The following SHOC2 variants were observed in gnomAD, a reference collection of about 807,000 sequenced individuals.
The protein encoded by SHOC2 is leucine-rich repeat protein SHOC-2.
SHOC2 carries 4 observed loss-of-function variants against 50.2 expected under a neutral mutation model. That is an observed-to-expected ratio of 0.08 (90% CI 0.04 to 0.18). The LOEUF (loss-of-function observed/expected upper bound fraction) is 0.18, where lower values mean the gene tolerates loss of function less well. Among genes scored for constraint, SHOC2 ranks in the 10% least tolerant of loss-of-function variants. The pLI, the probability that SHOC2 is intolerant of heterozygous loss-of-function variation, is 1.00. For synonymous variants in SHOC2, 218 were observed against 244.5 expected (o/e 0.89, Z 1.01); for missense variants, 388 against 669.6 (o/e 0.58, Z 4.64).
intron 1 of SHOC2, among the ~76,000 whole-genome samples, chr10:110,928,715 T>G (rs1846826297): frequency 6.6e-6 from 1 of 152,038 alleles, no homozygotes; most frequent in Admixed American, 6.6e-5. Flanking sequence ...GGCAGCATGG[T>G]GAAACCCCGT....
chr10:110,986,657 A>G (rs1245004542), intron 3 of SHOC2, among the ~76,000 whole-genome samples: 1 of 151,786 alleles, frequency 6.6e-6, no homozygotes, highest in South Asian at 2.1e-4. Flanking sequence ...TCTATTTTTA[A>G]TAGAGATGAG....
chr10:110,948,321 T>C (rs1192973393), intron 1 of SHOC2, among the ~76,000 whole-genome samples: 1 of 152,182 alleles, frequency 6.6e-6, no homozygotes, highest in Non-Finnish European at 1.5e-5. Context: ...GCTTTAGCAA[T>C]AGATAGATTA....
intron 1 of SHOC2, among the ~76,000 whole-genome samples, chr10:110,928,894 C>G (rs1846832132): frequency 1.3e-5 from 2 of 151,908 alleles, no homozygotes; most frequent in Admixed American, 1.3e-4. Context: ...GACCCTGTCT[C>G]AAAAAAAGTC....
chr10:110,952,543 CT>C (rs1202887454), intron 1 of SHOC2, among the ~76,000 whole-genome samples: 5 of 151,952 alleles, frequency 3.3e-5, no homozygotes, highest in Admixed American at 1.3e-4. Context: ...CTAGCAATAA[CT>C]GATTTTTTTT....
At chr10:110,973,215 T>C (rs1847815750) in intron 2 of SHOC2, among the ~76,000 whole-genome samples, 1 of 152,232 alleles carries the variant, frequency 6.6e-6, no homozygotes, top group Non-Finnish European at 1.5e-5. Flanking sequence ...TAAGATTTGC[T>C]CTGATTTTTA....
chr10:110,992,994 T>A (rs1848211815), intron 3 of SHOC2, among the ~76,000 whole-genome samples: 2 of 152,340 alleles, frequency 1.3e-5, no homozygotes, highest in South Asian at 4.1e-4. Context: ...GCTGGTTATA[T>A]TTGCTGAAAT....
rs1847635041 is a variant in SHOC2 at position 110,964,510 on chromosome 10, A to C, written c.152A>C (p.Lys51Thr). 6.2e-7 allele frequency: 1 copy of C among 1,613,966 alleles called. No homozygotes were observed. The highest frequency in any genetic ancestry group is 8.5e-7 in the Non-Finnish European group (1 of 1,179,994). ...KEPKTKGKDAKDGKKDSSAAQ... is the reference protein window; with the variant it reads ...KEPKTKGKDATDGKKDSSAAQ... ...CCTAAGACCAAAGGGAAAGATGCCAAAGATGGAAAGAAGGACTCCAGTGCT... is the reference window on the plus strand; with the variant it reads ...CCTAAGACCAAAGGGAAAGATGCCACAGATGGAAAGAAGGACTCCAGTGCT... Residue 51 changes from lysine to threonine, a missense_variant, in exon 2 of 9, where the codon AAA (lysine) becomes ACA (threonine). Lys to Thr is a moderately conservative substitution (Grantham distance 78, BLOSUM62 -1). Transcript: ENST00000369452. The surrounding 1 kb of genome is among the most constrained non-coding windows in gnomAD (Gnocchi z 4.9).
At chr10:110,992,434 T>A (rs1291673859) in intron 3 of SHOC2, among the ~76,000 whole-genome samples, 1 of 152,244 alleles carries the variant, frequency 6.6e-6, no homozygotes, top group East Asian at 1.9e-4. Context: ...TATTTTGTTT[T>A]AAAGTATGAA....
chr10:110,935,974 C>T (rs919573814), intron 1 of SHOC2, among the ~76,000 whole-genome samples: 2 of 151,954 alleles, frequency 1.3e-5, no homozygotes, highest in Non-Finnish European at 2.9e-5. Flanking sequence ...TTTTAGATGG[C>T]TGAACTTTAT....
At chr10:110,983,890 A>G (rs188487675) in intron 2 of SHOC2, among the ~76,000 whole-genome samples, 5 of 152,274 alleles carry the variant, frequency 3.3e-5, no homozygotes, top group African/African-American at 1.2e-4. Context: ...TAAACATACC[A>G]CATTTTGGTT....
At chr10:110,981,870 A>AT (rs1322845876) in intron 2 of SHOC2, among the ~76,000 whole-genome samples, 1 of 5,432 alleles carries the variant, frequency 1.8e-4, no homozygotes, top group African/African-American at 2.5e-4. Flanking sequence ...TTATTTATTT[A>AT]TTTTTTTAAG....
intron 2 of SHOC2, among the ~76,000 whole-genome samples, chr10:110,982,318 G>A (rs1024986300): frequency 2.0e-5 from 3 of 150,136 alleles, no homozygotes; most frequent in East Asian, 2.0e-4. Context: ...ATAAACATAC[G>A]TGTGCATGTG....
At chr10:111,007,487 G>GT in intron 5 of SHOC2, 44 bp from the exon 6 acceptor site, 1 of 1,609,538 alleles carries the variant, frequency 6.2e-7, no homozygotes, top group Non-Finnish European at 8.5e-7. Flanking sequence ...ATAGAACTTT[G>GT]TTTTTGTGAT....
chr10:110,998,944 A>G (rs1848317562), intron 3 of SHOC2, among the ~76,000 whole-genome samples: 2 of 152,234 alleles, frequency 1.3e-5, no homozygotes, highest in Admixed American at 6.5e-5. Context: ...CTATAGACTA[A>G]TGTATGTTTT....
At chr10:110,971,915 G>A (rs1202193915) in intron 2 of SHOC2, among the ~76,000 whole-genome samples, 5 of 151,702 alleles carry the variant, frequency 3.3e-5, no homozygotes, top group Non-Finnish European at 5.9e-5. Context: ...ACATACATGT[G>A]TATATAATTA....
intron 1 of SHOC2, among the ~76,000 whole-genome samples, chr10:110,950,147 C>CCCG (rs1316179061): frequency 2.0e-5 from 3 of 152,056 alleles, no homozygotes; most frequent in Admixed American, 6.5e-5. Context: ...ATGTAGGAAA[C>CCCG]CCTAAGGACT....
chr10:111,000,344 A>G (rs1269320216), intron 3 of SHOC2, 71 bp from the exon 4 acceptor site: 1 of 1,464,098 alleles, frequency 6.8e-7, no homozygotes, highest in Non-Finnish European at 9.5e-7. Flanking sequence ...TAGTTAGTAG[A>G]TAGCCTGTGA....
chr10:110,971,563 G>A (rs1038627148), intron 2 of SHOC2, among the ~76,000 whole-genome samples: 2 of 151,856 alleles, frequency 1.3e-5, no homozygotes, highest in African/African-American at 4.8e-5. Flanking sequence ...TGAACTTTAG[G>A]ATTTTTTTTT....
At position 111,007,545 on chromosome 10, in the gene SHOC2, A is replaced by C. The variant is rs368669769; in HGVS notation, c.1176A>C (p.Thr392=). 1 of 1,613,626 alleles carries C rather than the reference A, an allele frequency of 6.2e-7. No individual in the cohort carries two copies. Among genetic ancestry groups the C allele is most frequent in the African/African-American group, 1.3e-5 (1 of 74,930 alleles). Residue 392 remains threonine, a synonymous_variant, in exon 6 of 9, where the codon ACA becomes ACC. Coordinates refer to ENST00000369452, the MANE Select transcript of SHOC2 (RefSeq NM_007373.4). ...GTCTTTGCCAGGACAATCAGTTAAC[A>C]TCACTTCCCTTGGATTTTGGAACTT... is the stretch of plus-strand genomic sequence containing the variant. ...SKLNMKDNQL[T]SLPLDFGTWT...
Sources: gnomAD v4.1 joint callset for allele counts (sites outside exome capture counted in the v4.1 genomes callset) on GRCh38, gnomAD v4.1.1 for gene constraint, Gnocchi (gnomAD v3.1) non-coding constraint, MANE v1.5 for transcripts, NCBI Gene and HGNC (gene_info 2026-07-23, HGNC 2026-07-21) for gene names.